Variants in FRMD4A observed in about 807,000 individuals in gnomAD.
FRMD4A encodes FERM domain-containing protein 4A.
A neutral mutation model predicts 129.1 loss-of-function variants in FRMD4A; 29 were observed. The observed-to-expected ratio is 0.22, with a 90% confidence interval of 0.17 to 0.31. The LOEUF (loss-of-function observed/expected upper bound fraction) is 0.31. Ranked by LOEUF, FRMD4A falls within the 10% of genes least tolerant of loss-of-function variation. The pLI, the probability that FRMD4A is intolerant of heterozygous loss-of-function variation, is 1.00. For synonymous variants in FRMD4A, 634 were observed against 571.6 expected, an observed-to-expected ratio of 1.11 and a Z score of -1.56; for missense variants, 1,272 against 1,375.8, an observed-to-expected ratio of 0.92 and a Z score of 1.19.
chr10:14,330,862 C>T lies in FRMD4A; in HGVS notation c.-347G>A, dbSNP rs1012719998. The T allele has an allele frequency of 1.5e-5, 6 of 398,588 alleles. No individual in the cohort carries two copies. The highest frequency in any genetic ancestry group is 4.4e-5 in the Admixed American group (1 of 22,714). The allele number at this position is 398,588 out of a possible 1,614,324, so 24.7% of individuals were successfully genotyped here. On this transcript the variant is annotated 5_prime_UTR_variant, in exon 1 of 25. Transcript: ENST00000357447. ...CATACTTAAGAGGAACATGGAATTG[C>T]ACTGCCTGTTCTGTGAGCGTTCTGA... is the stretch of plus-strand genomic sequence containing the variant.
intron 2 of FRMD4A, among the ~76,000 whole-genome samples, chr10:14,228,683 G>A (rs979529629): frequency 2.6e-5 from 4 of 151,940 alleles, no homozygotes; most frequent in African/African-American, 7.2e-5. Flanking sequence ...CCCAACAGGA[G>A]ATTCACGCAT....
At chr10:13,720,777 A>G (rs1240790307) in intron 12 of FRMD4A, among the ~76,000 whole-genome samples, 1 of 152,188 alleles carries the variant, frequency 6.6e-6, no homozygotes, top group Non-Finnish European at 1.5e-5. Flanking sequence ...TATGTGAGGG[A>G]AAAGGATGAC....
intron 2 of FRMD4A, among the ~76,000 whole-genome samples, chr10:13,943,398 C>T (rs141638651): frequency 1.6e-3 from 248 of 151,794 alleles, no homozygotes; most frequent in African/African-American, 5.7e-3. Flanking sequence ...GCCTGTAATC[C>T]CAGTACTTTG....
intron 2 of FRMD4A, among the ~76,000 whole-genome samples, chr10:14,318,357 A>T (rs1589305879): frequency 6.9e-6 from 1 of 145,558 alleles, no homozygotes; most frequent in African/African-American, 2.5e-5. Context: ...ACACATGGGC[A>T]ATAAAGACAC....
At chr10:13,858,805 A>C (rs568864985) in intron 3 of FRMD4A, 42 bp downstream of exon 3, 4 of 1,110,552 alleles carry the variant, frequency 3.6e-6, no homozygotes, top group African/African-American at 1.5e-5. Flanking sequence ...AAACCACATC[A>C]GTCACCAAAG....
chr10:13,789,768 A>AGTGTGTGT (rs1564806638), intron 5 of FRMD4A, among the ~76,000 whole-genome samples: 1 of 46,494 alleles, frequency 2.2e-5, no homozygotes, highest in Non-Finnish European at 4.4e-5. Flanking sequence ...GGCTGCTTAT[A>AGTGTGTGT]ATGTGTGTGT....
intron 2 of FRMD4A, among the ~76,000 whole-genome samples, chr10:14,304,817 C>G (rs1846293212): frequency 6.6e-6 from 1 of 152,238 alleles, no homozygotes; most frequent in Non-Finnish European, 1.5e-5. Flanking sequence ...CCAGAACTCA[C>G]TCCACCAGTG....
chr10:14,042,516 A>C (rs1005764117), intron 2 of FRMD4A, among the ~76,000 whole-genome samples: 2 of 152,170 alleles, frequency 1.3e-5, no homozygotes, highest in Non-Finnish European at 2.9e-5. Context: ...AAAGTATAAA[A>C]ATGGCCTTGC....
intron 3 of FRMD4A, among the ~76,000 whole-genome samples, chr10:13,823,837 G>C (rs554237687): frequency 6.6e-6 from 1 of 152,160 alleles, no homozygotes; most frequent in Non-Finnish European, 1.5e-5. Flanking sequence ...CCATTTGCTC[G>C]ATGTTCAAGG....
At chr10:13,909,976 G>A (rs928469442) in intron 2 of FRMD4A, among the ~76,000 whole-genome samples, 1 of 152,148 alleles carries the variant, frequency 6.6e-6, no homozygotes, top group African/African-American at 2.4e-5. Flanking sequence ...ACAAAAACAT[G>A]GCCTATTTTA....
At chr10:13,651,500 C>T (rs1335909589) in intron 24 of FRMD4A, 1 of 186,666 alleles carries the variant, frequency 5.4e-6, no homozygotes, top group African/African-American at 2.4e-5. Context: ...TGAGACTATC[C>T]TGGCCAACAT....
chr10:13,728,573 C>CTTTTTTTTTTTTTTT (rs10706168), intron 12 of FRMD4A, among the ~76,000 whole-genome samples: 5,480 of 77,812 alleles, frequency 0.07, 1,272 homozygotes, highest in East Asian at 0.085. Flanking sequence ...GATTACCATT[C>CTTTTTTTTTTTTTTT]TTTTTTTTTT....
intron 3 of FRMD4A, among the ~76,000 whole-genome samples, chr10:13,818,023 A>T (rs1260933649): frequency 6.6e-6 from 1 of 152,206 alleles, no homozygotes; most frequent in Non-Finnish European, 1.5e-5. Context: ...TATGCCACCA[A>T]CTTAAACTTG....
chr10:14,235,090 G>GCACACACACA (rs1481829425), intron 2 of FRMD4A, among the ~76,000 whole-genome samples: 2 of 152,026 alleles, frequency 1.3e-5, no homozygotes, highest in Admixed American at 1.3e-4. Context: ...GTTTGGGCTG[G>GCACACACACA]CACAGTGGGG....
intron 2 of FRMD4A, among the ~76,000 whole-genome samples, chr10:14,100,487 A>G (rs1837242708): frequency 6.6e-6 from 1 of 152,124 alleles, no homozygotes; most frequent in African/African-American, 2.4e-5. Flanking sequence ...GTTTCAAATG[A>G]CTTTTCCACC....
intron 2 of FRMD4A, among the ~76,000 whole-genome samples, chr10:14,007,746 T>C (rs1480208487): frequency 6.6e-6 from 1 of 152,176 alleles, no homozygotes; most frequent in Non-Finnish European, 1.5e-5. Context: ...CCCCCATGCA[T>C]TTCTCAGCAA....
intron 2 of FRMD4A, among the ~76,000 whole-genome samples, chr10:14,132,568 A>T (rs958493395): frequency 6.6e-6 from 1 of 152,144 alleles, no homozygotes; most frequent in Non-Finnish European, 1.5e-5. Context: ...TGTGACTCTC[A>T]TGATGGAAAG....
chr10:13,922,975 A>G (rs1200222980), intron 2 of FRMD4A, among the ~76,000 whole-genome samples: 1 of 152,224 alleles, frequency 6.6e-6, no homozygotes, highest in Non-Finnish European at 1.5e-5. Flanking sequence ...TGGTTAAATT[A>G]TGCTTGTAAG....
chr10:14,055,586 G>A (rs141554097), intron 2 of FRMD4A, among the ~76,000 whole-genome samples: 170 of 152,160 alleles, frequency 1.1e-3, no homozygotes, highest in Admixed American at 1.8e-3. Flanking sequence ...CAACTGAAAG[G>A]TTAAAAACTG....
Sources: gnomAD v4.1 joint callset for allele counts (sites outside exome capture counted in the v4.1 genomes callset) on GRCh38, gnomAD v4.1.1 for gene constraint, MANE v1.5 for transcripts, NCBI Gene and HGNC (gene_info 2026-07-23, HGNC 2026-07-21) for gene names.